Variants in MYO15B observed in about 807,000 individuals in gnomAD.
MYO15B encodes myosin XVB, also known as myosin XVB pseudogene.
A neutral mutation model predicts 119.3 loss-of-function variants in MYO15B; 207 were observed. That is an observed-to-expected ratio of 1.73 (90% CI 1.55 to 1.95). The LOEUF is 1.95. Among genes scored for constraint, MYO15B ranks in the 30% most tolerant of loss-of-function variants. MYO15B has a pLI of 0.00. For missense variants in MYO15B, 2,264 were observed against 1,203.1 expected, an observed-to-expected ratio of 1.88 and a Z score of -13.04; for synonymous variants, 966 against 498.9, an observed-to-expected ratio of 1.94 and a Z score of -12.48.
At chr17:75,592,358 G>A in intron 7 of MYO15B, 57 bp downstream of exon 7, 1 of 700,518 alleles carries the variant, frequency 1.4e-6, no homozygotes, top group Admixed American at 2.0e-5. Context: ...AAGGGCAGAG[G>A]GTGTCACTGT....
At chr17:75,597,459 C>T (rs1240363521) in intron 14 of MYO15B, among the ~76,000 whole-genome samples, 1 of 152,196 alleles carries the variant, frequency 6.6e-6, no homozygotes, top group East Asian at 1.9e-4. Context: ...TCCACAAGGG[C>T]GGGTGCCCGT....
intron 23 of MYO15B, 60 bp from the exon 24 acceptor site, chr17:75,611,541 A>G: frequency 1.4e-6 from 1 of 690,614 alleles, no homozygotes; most frequent in Non-Finnish European, 2.6e-6. Context: ...GGGTGTGGGG[A>G]GGGACACTGG....
At chr17:75,613,151 A>G (rs767867165) in exon 27 of MYO15B, 77 of 702,416 alleles carry the variant, frequency 1.1e-4, no homozygotes, top group African/African-American at 1.1e-3. Flanking sequence ...CTGGGCCCTC[A>G]TGGCTGTTTT....
chr17:75,618,238 C>T (rs951352773), intron 43 of MYO15B, 53 bp downstream of exon 43: 20 of 701,194 alleles, frequency 2.9e-5, no homozygotes, highest in Admixed American at 1.6e-4. Flanking sequence ...CAGCATCCTT[C>T]GTGCCCTTTG....
At chr17:75,602,916 C>T (rs2057376943) in exon 17 of MYO15B, 1 of 690,558 alleles carries the variant, frequency 1.4e-6, no homozygotes, top group Middle Eastern at 2.4e-4. Flanking sequence ...TCCAGCAGGC[C>T]CTGGAGGACC....
At chr17:75,606,970 C>T in intron 21 of MYO15B, 1 of 398,580 alleles carries the variant, frequency 2.5e-6, no homozygotes. Flanking sequence ...TGTTGGCTGA[C>T]CGTCTGCCTC....
chr17:75,592,468 T>TG lies in MYO15B; in HGVS notation c.2758dup (p.Ala920GlyfsTer40), dbSNP rs1400151056. 1 of 612,416 alleles carries TG rather than the reference T, an allele frequency of 1.6e-6. No individual in the cohort carries two copies. The highest frequency in any genetic ancestry group is 2.9e-6 in the Non-Finnish European group (1 of 343,768). 37.9% of individuals were successfully genotyped at this position (612,416 alleles called of 1,614,324 possible). On this transcript the variant is annotated frameshift_variant, in exon 8 of 64. Transcript: ENST00000645453. LOFTEE classifies it high-confidence loss of function. The stretch of plus-strand genomic sequence containing the variant: ...AGCTTCCATGTTTTTTACAAGCTGC[T>TG]GGCAGGGCTGGACTCCATAGAGCGG...
chr17:75,592,267 A>C (rs1308335828), exon 7 of MYO15B: 1 of 702,720 alleles, frequency 1.4e-6, no homozygotes, highest in Admixed American at 2.0e-5. Context: ...TCTGTGTCTC[A>C]TTATCTACTT....
At chr17:75,625,896 A>G (rs1478810804) in exon 62 of MYO15B, 2 of 702,934 alleles carry the variant, frequency 2.8e-6, no homozygotes, top group Non-Finnish European at 5.2e-6. Flanking sequence ...GGGTGCTGCG[A>G]GTGAGCATGC....
exon 43 of MYO15B, chr17:75,618,145 ACTTCAGCCATCC>A: frequency 1.4e-6 from 1 of 703,198 alleles, no homozygotes; most frequent in South Asian, 1.5e-5. Flanking sequence ...CCACGGGAGA[ACTTCAGCCATCC>A]CTACTACCTG....
intron 14 of MYO15B, among the ~76,000 whole-genome samples, chr17:75,597,165 G>C (rs1020768313): frequency 1.3e-5 from 2 of 152,340 alleles, no homozygotes; most frequent in Admixed American, 1.3e-4. Context: ...TGCCACAGAA[G>C]GGGGACAGTA....
chr17:75,602,356 G>T lies in MYO15B; in HGVS notation c.3652-161G>T, dbSNP rs1472266463. 4 of 699,896 alleles carry T rather than the reference G, an allele frequency of 5.7e-6. No homozygotes were observed. The Admixed American group carries it at 8.0e-5, about 14-fold the overall frequency. 43.4% of individuals were successfully genotyped at this position (699,896 alleles called of 1,614,324 possible). ...CATGGGGTGGAATGGAAAGTCCAGT[G>T]GCAGACCCAAGGCTAGGTAAAGGGC... On this transcript the variant is annotated intron_variant, in intron 15 of 63. Coordinates refer to ENST00000645453, the Ensembl canonical transcript of MYO15B.
exon 52 of MYO15B, chr17:75,621,532 GTGA>G (rs748336648): frequency 3.3e-4 from 235 of 702,298 alleles, no homozygotes; most frequent in Non-Finnish European, 5.0e-4. Context: ...CTCAGCCTCA[GTGA>G]TGATGTGAGC....
chr17:75,624,311 T>G (rs1398599967), intron 56 of MYO15B, 42 bp downstream of exon 56: 1 of 702,794 alleles, frequency 1.4e-6, no homozygotes, highest in South Asian at 1.5e-5. Context: ...CACCCTGGGG[T>G]GGGGAGTGTC....
At chr17:75,601,872 T>G (rs2057308065) in intron 15 of MYO15B, among the ~76,000 whole-genome samples, 1 of 152,174 alleles carries the variant, frequency 6.6e-6, no homozygotes, top group East Asian at 1.9e-4. Flanking sequence ...ACCTGTAAAA[T>G]GGGTATGGAG....
chr17:75,600,189 G>T (rs2057165541), intron 14 of MYO15B, among the ~76,000 whole-genome samples: 1 of 151,418 alleles, frequency 6.6e-6, no homozygotes, highest in African/African-American at 2.4e-5. Flanking sequence ...ACCATGCCCG[G>T]CTAATTTTTT....
At chr17:75,613,908 T>C (rs935678689) in intron 29 of MYO15B, 131 bp downstream of exon 29, 1 of 604,316 alleles carries the variant, frequency 1.7e-6, no homozygotes, top group African/African-American at 1.9e-5. Context: ...AGACTGCAGA[T>C]GGCGATGGGG....
At chr17:75,604,365 G>A (rs2057478109) in intron 19 of MYO15B, among the ~76,000 whole-genome samples, 2 of 152,084 alleles carry the variant, frequency 1.3e-5, no homozygotes, top group African/African-American at 4.8e-5. Flanking sequence ...CCTGCACGGT[G>A]CTTGCTTGGT....
At chr17:75,615,173 C>T in intron 33 of MYO15B, 67 bp from the exon 34 acceptor site, 1 of 683,562 alleles carries the variant, frequency 1.5e-6, no homozygotes, top group Non-Finnish European at 2.7e-6. Context: ...CTTCTCTGTG[C>T]CTGGGGCTGG....
Sources: gnomAD v4.1 joint callset for allele counts (sites outside exome capture counted in the v4.1 genomes callset) on GRCh38, gnomAD v4.1.1 for gene constraint, MANE v1.5 for transcripts, NCBI Gene and HGNC (gene_info 2026-07-23, HGNC 2026-07-21) for gene names.